The following PLOD3 variants were observed in gnomAD, a reference collection of about 807,000 sequenced individuals.
PLOD3 encodes the protein procollagen-lysine,2-oxoglutarate 5-dioxygenase 3.
In PLOD3, 73 loss-of-function variants were observed where a neutral mutation model predicts 96.9. The observed-to-expected ratio is 0.75, with a 90% confidence interval of 0.62 to 0.92. PLOD3 has a LOEUF of 0.92. PLOD3 is among the 40% of genes least tolerant of loss of function. The pLI is 0.00. For missense variants in PLOD3, 1,004 were observed against 1,004.3 expected, an observed-to-expected ratio of 1.00 and a Z score of 0.00; for synonymous variants, 454 against 413.7, an observed-to-expected ratio of 1.10 and a Z score of -1.18.
Position 101,208,872 on chromosome 7 carries a change from C to T in PLOD3, c.1769G>A (p.Trp590Ter). 1 of 1,613,184 alleles carries T rather than the reference C, an allele frequency of 6.2e-7. No individual in the cohort carries two copies. Among genetic ancestry groups the T allele is most frequent in the African/African-American group, 1.3e-5 (1 of 75,024 alleles). ...CCTTACCTCATGCCGGCCGCCTGAC[C>T]ACTGGCCGTAGTGCTCCATCTCTGC... ...LVAEMEHYGQ[W>*]SGGRHEDSRL... Residue 590 changes from tryptophan to a stop codon, truncating the protein, a stop_gained, in exon 16 of 19, where the codon TGG (tryptophan) becomes TAG (stop). Transcript: ENST00000223127. LOFTEE classifies it high-confidence loss of function.
chr7:101,207,370 T>C (rs1427403425), intron 17 of PLOD3, among the ~76,000 whole-genome samples: 1 of 151,972 alleles, frequency 6.6e-6, no homozygotes, highest in Non-Finnish European at 1.5e-5. Context: ...CGCTGCTCAC[T>C]GGCATTAAAT....
rs1485354450 is a variant in PLOD3 at position 101,211,862 on chromosome 7, G to A, written c.1216C>T (p.Leu406Phe). 2 of 1,612,222 alleles carry A rather than the reference G, an allele frequency of 1.2e-6. No homozygotes were observed. Among genetic ancestry groups the A allele is most frequent in the Admixed American group, 1.7e-5 (1 of 59,850 alleles). ...GTAAGCCACCTGTTCTCCTCAATGAGGATACGCAGGGTCTGCAGGTTGGTG... is the reference window on the plus strand; with the variant it reads ...GTAAGCCACCTGTTCTCCTCAATGAAGATACGCAGGGTCTGCAGGTTGGTG... ...VLTNLQTLRI[L>F]IEENRKVIAP... The change falls in exon 11 of 19, where the codon CTC (leucine) becomes TTC (phenylalanine). Residue 406 changes from leucine to phenylalanine, a missense_variant. Leu to Phe is a conservative substitution (Grantham distance 22, BLOSUM62 0). Transcript: ENST00000223127.
chr7:101,215,245 C>T, intron 5 of PLOD3, 93 bp from the exon 6 acceptor site: 1 of 983,640 alleles, frequency 1.0e-6, no homozygotes, highest in Non-Finnish European at 1.6e-6. Context: ...TCTTCTCTTG[C>T]TTTTGTTGCT....
Position 101,216,749 on chromosome 7 carries a change from G to A in PLOD3, c.147C>T (p.Thr49=), listed in dbSNP as rs760116549. The A allele has an allele frequency of 6.8e-6, 11 of 1,613,968 alleles. No homozygotes were observed. Among genetic ancestry groups the A allele is most frequent in the Non-Finnish European group, 9.3e-6 (11 of 1,179,916 alleles). The change falls in exon 2 of 19, where the codon ACC becomes ACT. Residue 49 remains threonine, a synonymous_variant. Transcript: ENST00000223127. The stretch of plus-strand genomic sequence containing the variant: ...AGCGCAGGAAACGCAGGTACCCCTC[G>A]GTTTCAGCTGTGGCCACAGTGATCA... ...LLVITVATAE[T]EGYLRFLRSA... is the part of the protein sequence containing the mutation.
chr7:101,213,506 GTT>G (rs3988239), intron 6 of PLOD3: 683 of 268,274 alleles, frequency 2.5e-3, no homozygotes, highest in South Asian at 4.3e-3. Context: ...CTCTCTCCTT[GTT>G]TTTTTTTTTT....
chr7:101,213,209 G>A lies in PLOD3; in HGVS notation c.680-5C>T, dbSNP rs1414903520. On this transcript the variant is annotated splice_polypyrimidine_tract_variant and splice_region_variant and intron_variant, in intron 6 of 18. Transcript: ENST00000223127. ...CAAACTTTAAAACCACTTCATCTGGGGAAGAAAAAGGCCAGGCTTCAGACC... is the reference window on the plus strand; with the variant it reads ...CAAACTTTAAAACCACTTCATCTGGAGAAGAAAAAGGCCAGGCTTCAGACC... 1 of 1,597,230 alleles carries A rather than the reference G, an allele frequency of 6.3e-7. No homozygotes were observed. Among genetic ancestry groups the A allele is most frequent in the African/African-American group, 1.3e-5 (1 of 74,558 alleles).
rs752562392 is a variant in PLOD3 at position 101,216,212 on chromosome 7, C to T, written c.453G>A (p.Ala151=). 4.8e-5 allele frequency: 77 copies of T among 1,613,766 alleles called. No individual in the cohort carries two copies. The highest frequency in any genetic ancestry group is 6.7e-5 in the Admixed American group (4 of 59,992). The change falls in exon 4 of 19, where the codon GCG becomes GCA. Residue 151 remains alanine (A), a synonymous_variant. Transcript: ENST00000223127. ...CCGTGCCCACCTCAGGGTACTGCTCCGCCAGCCCCCACTCGGGCCAGCAGA... is the reference window on the plus strand; with the variant it reads ...CCGTGCCCACCTCAGGGTACTGCTCTGCCAGCCCCCACTCGGGCCAGCAGA... ...ESFCWPEWGL[A]EQYPEVGTGK...
chr7:101,211,490 C>A, intron 12 of PLOD3, 101 bp downstream of exon 12: 1 of 1,285,480 alleles, frequency 7.8e-7, no homozygotes, highest in South Asian at 1.4e-5. Flanking sequence ...CTCATGGCAC[C>A]TCTGACTGGT....
chr7:101,212,320 A>G lies in PLOD3; in HGVS notation c.1060T>C (p.Phe354Leu). The change falls in exon 10 of 19, where the codon TTC becomes CTC. Residue 354 changes from phenylalanine to leucine, a missense_variant. Physicochemically the swap from Phe to Leu is conservative, Grantham distance 22. Transcript: ENST00000223127. ...ADSWPQLQDH[F>L]SAVKLVGPEE... The stretch of plus-strand genomic sequence containing the variant: ...GGCCCCACGAGCTTCACAGCTGAGA[A>G]GTGGTCCTGGAGCTGCGGCCAGGAG... 1 of 1,613,936 alleles carries G rather than the reference A, an allele frequency of 6.2e-7. No individual in the cohort carries two copies. Among genetic ancestry groups the G allele is most frequent in the Non-Finnish European group, 8.5e-7 (1 of 1,179,962 alleles).
Position 101,216,196 on chromosome 7 carries a change from C to T in PLOD3, c.469G>A (p.Val157Met). The change falls in exon 4 of 19, where the codon GTG becomes ATG. Residue 157 changes from valine to methionine, a missense_variant. Val to Met is a conservative substitution (Grantham distance 21). Transcript: ENST00000223127. Reference protein sequence around the residue: ...EWGLAEQYPEVGTGKRFLNSG... With the variant: ...EWGLAEQYPEMGTGKRFLNSG... ...TTGAGGAAGCGCTTCCCCGTGCCCA[C>T]CTCAGGGTACTGCTCCGCCAGCCCC... 6.2e-7 allele frequency: 1 copy of T among 1,614,068 alleles called. No individual in the cohort carries two copies. Among genetic ancestry groups the T allele is most frequent in the Non-Finnish European group, 8.5e-7 (1 of 1,180,034 alleles).
At chr7:101,214,695 G>A (rs1798240579) in intron 6 of PLOD3, among the ~76,000 whole-genome samples, 1 of 152,036 alleles carries the variant, frequency 6.6e-6, no homozygotes, top group Non-Finnish European at 1.5e-5. Context: ...AAATGAGCTG[G>A]GCGTGGTGGC....
At chr7:101,210,295 G>C (rs752128601) in intron 14 of PLOD3, 36 bp downstream of exon 14, 1 of 1,560,742 alleles carries the variant, frequency 6.4e-7, no homozygotes, top group South Asian at 1.1e-5. Context: ...ACAAGGCGGG[G>C]AACCTGTGTG....
intron 5 of PLOD3, 28 bp from the exon 6 acceptor site, chr7:101,215,180 G>C (rs577683538): frequency 2.0e-6 from 3 of 1,492,124 alleles, no homozygotes; most frequent in Non-Finnish European, 1.9e-6. Flanking sequence ...CGATGGAGTG[G>C]TTAAAATGGA....
At position 101,215,099 on chromosome 7, in the gene PLOD3, G is replaced by A. The variant is rs778033206; in HGVS notation, c.669C>T (p.Asn223=). ...TGTCTTCCTCCTCACCTAAAGCCCC[G>A]TTGAGGTTCTGAAAGATCCGAGACT... The part of the protein sequence containing the change: ...DHKSRIFQNL[N]GALDEVVLKF... Residue 223 remains asparagine (N), a synonymous_variant, in exon 6 of 19, where the codon AAC becomes AAT. Coordinates refer to ENST00000223127, the MANE Select transcript of PLOD3 (RefSeq NM_001084.5). 19 of 1,612,400 alleles carry A rather than the reference G, an allele frequency of 1.2e-5. No homozygotes were observed. Among genetic ancestry groups the A allele is most frequent in the East Asian group, 2.2e-5 (1 of 44,890 alleles).
At chr7:101,216,621 G>A in intron 2 of PLOD3, 74 bp downstream of exon 2, 2 of 1,609,190 alleles carry the variant, frequency 1.2e-6, no homozygotes, top group East Asian at 2.2e-5. Flanking sequence ...GCTTACCGTG[G>A]GGACCTGGGC....
rs1554378150 is a variant in PLOD3 at position 101,212,379 on chromosome 7, G to A, written c.1006-5C>T. 6 of 1,613,438 alleles carry A rather than the reference G, an allele frequency of 3.7e-6. No homozygotes were observed. Among genetic ancestry groups the A allele is most frequent in the Non-Finnish European group, 5.1e-6 (6 of 1,179,806 alleles). On this transcript the variant is annotated splice_polypyrimidine_tract_variant and splice_region_variant and intron_variant, in intron 9 of 18. Transcript: ENST00000223127. ...GTGGGGTTCATGGAAGACCTCCTGGGAGGGGAAGACATAGGGGGATGGGCT... is the reference window on the plus strand; with the variant it reads ...GTGGGGTTCATGGAAGACCTCCTGGAAGGGGAAGACATAGGGGGATGGGCT...
chr7:101,216,774 A>G lies in PLOD3; in HGVS notation c.122T>C (p.Val41Ala). 1 of 1,612,784 alleles carries G rather than the reference A, an allele frequency of 6.2e-7. No homozygotes were observed. The highest frequency in any genetic ancestry group is 2.2e-5 in the East Asian group (1 of 44,858). The change falls in exon 2 of 19, where the codon GTG becomes GCG. Residue 41 changes from valine to alanine, a missense_variant. Val to Ala is a moderately conservative substitution (Grantham distance 64). Around this residue, in one of 5 missense-constraint regions of PLOD3, gnomAD observed 690 missense variants for 650.2 expected, o/e 1.06. Transcript: ENST00000223127. ...RDPVNPEKLL[V>A]ITVATAETEG... ...GGTTTCAGCTGTGGCCACAGTGATC[A>G]CCAGCAGCTTCTCTGTTACCAGAGG...
chr7:101,213,514 T>A (rs1377458738), intron 6 of PLOD3: 1 of 336,492 alleles, frequency 3.0e-6, no homozygotes. Flanking sequence ...TTGTTTTTTT[T>A]TTTTTTTATT....
intron 16 of PLOD3, 123 bp from the exon 17 acceptor site, chr7:101,207,847 T>A: frequency 9.5e-7 from 1 of 1,050,184 alleles, no homozygotes; most frequent in Non-Finnish European, 1.4e-6. Flanking sequence ...TGCAGAACAG[T>A]CTTCTTTGCT....
Sources: gnomAD v4.1 joint callset for allele counts (sites outside exome capture counted in the v4.1 genomes callset) on GRCh38, gnomAD v4.1.1 for gene constraint, gnomAD v4.1.1 regional missense constraint, MANE v1.5 for transcripts, NCBI Gene and HGNC (gene_info 2026-07-23, HGNC 2026-07-21) for gene names.